Variants in PAPPA observed in about 807,000 individuals in gnomAD.
The protein encoded by PAPPA is pappalysin 1.
PAPPA carries 60 observed loss-of-function variants against 164.0 expected under a neutral mutation model. The observed-to-expected ratio is 0.37, with a 90% CI of 0.30 to 0.45. PAPPA has a LOEUF of 0.45. Ranked by LOEUF, PAPPA falls within the 20% of genes least tolerant of loss-of-function variation. The pLI is 1.00. For missense variants in PAPPA, 1,782 were observed against 2,087.3 expected (o/e 0.85, Z 2.85); for synonymous variants, 875 against 814.1 (o/e 1.07, Z -1.27).
At chr9:116,266,831 A>C (rs1564204244) in intron 8 of PAPPA, among the ~76,000 whole-genome samples, 1 of 152,252 alleles carries the variant, frequency 6.6e-6, no homozygotes, top group African/African-American at 2.4e-5. Flanking sequence ...AATTATTCAA[A>C]ATTAAATCTC....
intron 1 of PAPPA, among the ~76,000 whole-genome samples, chr9:116,163,208 T>C (rs1476636265): frequency 6.6e-6 from 1 of 152,146 alleles, no homozygotes; most frequent in Non-Finnish European, 1.5e-5. Flanking sequence ...TATAAATGAA[T>C]AAGCATATAT....
rs1337657019 is a variant in PAPPA, at chr9:116,271,569, G to GCCC, written c.2953+153_2953+154insCCC. ...GAGTGCCTCCTACATGCCAGGCACT[G>GCCC]TTTTCAATATCGGGAAATACAGCAG... On this transcript the variant is annotated intron_variant, in intron 9 of 21. Coordinates refer to ENST00000328252, the MANE Select transcript of PAPPA (RefSeq NM_002581.5). This position sits in a 1 kb window ranked among gnomAD's most constrained non-coding sequence, Gnocchi z 4.2. Among the ~76,000 whole-genome samples, 1 of 152,166 alleles carries GCCC rather than the reference G, an allele frequency of 6.6e-6. No homozygotes were observed. Among genetic ancestry groups the GCCC allele is most frequent in the Non-Finnish European group, 1.5e-5 (1 of 68,040 alleles).
intron 15 of PAPPA, among the ~76,000 whole-genome samples, chr9:116,348,592 C>A (rs1350117718): frequency 6.6e-6 from 1 of 152,016 alleles, no homozygotes; most frequent in Non-Finnish European, 1.5e-5. Flanking sequence ...TATTTTATCA[C>A]CCAGTTATGA....
chr9:116,238,137 G>C (rs545551742), intron 7 of PAPPA, among the ~76,000 whole-genome samples: 83 of 151,858 alleles, frequency 5.5e-4, no homozygotes, highest in Non-Finnish European at 4.4e-4. Context: ...TAAGAATAAG[G>C]CCTGACCATT....
At chr9:116,235,769 A>C in intron 7 of PAPPA, 132 bp downstream of exon 7, 1 of 865,090 alleles carries the variant, frequency 1.2e-6, no homozygotes, top group East Asian at 2.4e-5. Flanking sequence ...GTAACCCATC[A>C]TTGGGTGTAG....
At position 116,154,080 on chromosome 9, in the gene PAPPA, GAAGCGAAGA is replaced by G. The variant is rs1843566790; in HGVS notation, c.-89_-81del. On this transcript the variant is annotated 5_prime_UTR_variant, in exon 1 of 22. Coordinates refer to ENST00000328252, the MANE Select transcript of PAPPA (RefSeq NM_002581.5). The surrounding 1 kb of genome is among the most constrained non-coding windows in gnomAD (Gnocchi z 5.2). ...GGGGGGCTCGCCCAAGAAGGGTGAAGAAGCGAAGAAAGTCGAGGCGCCGAGGCTCCCAAA... is the reference window on the plus strand; with the variant it reads ...GGGGGGCTCGCCCAAGAAGGGTGAAGAAGTCGAGGCGCCGAGGCTCCCAAA... 8.7e-7 allele frequency: 1 copy of G among 1,150,042 alleles called. No homozygotes were observed. The highest frequency in any genetic ancestry group is 1.1e-6 in the Non-Finnish European group (1 of 926,640). 71.2% of individuals were successfully genotyped at this position (1,150,042 alleles called of 1,614,324 possible). A position where few individuals can be genotyped will look rare whatever the true frequency, so the allele number is the denominator to read the frequency against.
intron 2 of PAPPA, among the ~76,000 whole-genome samples, chr9:116,191,815 A>T (rs1416985958): frequency 6.6e-6 from 1 of 151,992 alleles, no homozygotes; most frequent in Admixed American, 6.6e-5. Flanking sequence ...AATTAAGGAG[A>T]ATTGAAGGAG....
Position 116,332,401 on chromosome 9 carries a change from T to C in PAPPA, c.3330T>C (p.Tyr1110=). The stretch of plus-strand genomic sequence containing the variant: ...ACCTGGTGACGGATGGGACATATTA[T>C]GGGGACCAAAAGCAGGAGACCATCA... ...IVHLVTDGTY[Y]GDQKQETISV... Residue 1110 remains tyrosine (Y), a synonymous_variant, in exon 12 of 22, where the codon TAT becomes TAC. Transcript: ENST00000328252. 1 of 1,614,082 alleles carries C rather than the reference T, an allele frequency of 6.2e-7. No individual in the cohort carries two copies. Among genetic ancestry groups the C allele is most frequent in the African/African-American group, 1.3e-5 (1 of 75,042 alleles).
At chr9:116,354,719 C>T (rs1846329514) in intron 17 of PAPPA, among the ~76,000 whole-genome samples, 1 of 152,308 alleles carries the variant, frequency 6.6e-6, no homozygotes, top group South Asian at 2.1e-4. Flanking sequence ...CCAACATCAA[C>T]TCTTTGATGA....
intron 1 of PAPPA, among the ~76,000 whole-genome samples, chr9:116,169,170 C>G (rs2118986809): frequency 6.6e-6 from 1 of 152,168 alleles, no homozygotes; most frequent in Non-Finnish European, 1.5e-5. Flanking sequence ...TCTGAGCTAA[C>G]CAGTTACCTA....
chr9:116,297,333 C>T (rs939505752), intron 9 of PAPPA, among the ~76,000 whole-genome samples: 12 of 152,142 alleles, frequency 7.9e-5, no homozygotes, highest in African/African-American at 2.4e-4. Context: ...TTACAGTAAC[C>T]GATAACTTAT....
intron 7 of PAPPA, among the ~76,000 whole-genome samples, chr9:116,256,831 C>A (rs912358336): frequency 6.6e-6 from 1 of 151,732 alleles, no homozygotes; most frequent in African/African-American, 2.4e-5. Flanking sequence ...TCTTGAACAA[C>A]ACAAAAAAGT....
chr9:116,226,768 A>G (rs1026021888), intron 5 of PAPPA, among the ~76,000 whole-genome samples: 1 of 152,258 alleles, frequency 6.6e-6, no homozygotes, highest in Non-Finnish European at 1.5e-5. Context: ...GGAAGCCATC[A>G]TAATATTCCA....
chr9:116,224,868 T>G (rs1844485896), intron 5 of PAPPA, among the ~76,000 whole-genome samples: 1 of 152,204 alleles, frequency 6.6e-6, no homozygotes, highest in Admixed American at 6.5e-5. Context: ...GTATCCTGCA[T>G]GTCTATGATT....
At chr9:116,366,112 G>A (rs1466207489) in intron 18 of PAPPA, among the ~76,000 whole-genome samples, 1 of 152,126 alleles carries the variant, frequency 6.6e-6, no homozygotes, top group Non-Finnish European at 1.5e-5. Flanking sequence ...GTGTTTGGAG[G>A]GTGGTTTCGA....
intron 18 of PAPPA, among the ~76,000 whole-genome samples, chr9:116,366,860 G>A (rs766140972): frequency 6.6e-6 from 1 of 152,098 alleles, no homozygotes; most frequent in Non-Finnish European, 1.5e-5. Flanking sequence ...TGGGATTGAG[G>A]TCTGTAAGAT....
intron 15 of PAPPA, among the ~76,000 whole-genome samples, 184 bp from the exon 16 acceptor site, chr9:116,352,522 T>A (rs528695004): frequency 5.3e-5 from 8 of 152,264 alleles, no homozygotes; most frequent in African/African-American, 1.9e-4. Flanking sequence ...CCCATTTAGA[T>A]CTCCTCTTCT....
intron 21 of PAPPA, among the ~76,000 whole-genome samples, chr9:116,384,370 C>G (rs1224107673): frequency 6.6e-6 from 1 of 151,668 alleles, no homozygotes. Context: ...AGAAGGACCA[C>G]TTGAGCTCAG....
In PAPPA at chr9:116,269,910, C is replaced by T. The variant is rs556109381; in HGVS notation, c.2862-1415C>T. On this transcript the variant is annotated intron_variant, in intron 8 of 21. Coordinates refer to ENST00000328252, the MANE Select transcript of PAPPA (RefSeq NM_002581.5). ...AACTTCTTCTTTGCTCATAGGTGTG[C>T]AGACAGGAGAGGACTTGGGTGGCTC... Among the ~76,000 whole-genome samples the T allele has an allele frequency of 1.1e-4, 16 of 152,312 alleles. No individual in the cohort carries two copies. The East Asian group carries it at 3.1e-3, about 29-fold the overall frequency.
Sources: allele counts gnomAD v4.1 joint callset (sites outside exome capture counted in the v4.1 genomes callset), GRCh38; gene constraint gnomAD v4.1.1; non-coding constraint Gnocchi (gnomAD v3.1); transcripts MANE v1.5; gene names NCBI Gene and HGNC (gene_info 2026-07-23, HGNC 2026-07-21).